RBFOX1: variants seen among roughly 807,000 people sequenced by gnomAD.
The protein encoded by RBFOX1 is RNA binding fox-1 homolog 1, also known as RNA binding protein fox-1 homolog 1.
A neutral mutation model predicts 57.7 loss-of-function variants in RBFOX1; 8 were observed. The observed-to-expected ratio is 0.14, with a 90% CI of 0.08 to 0.25. The LOEUF is 0.25. Ranked by LOEUF, RBFOX1 falls within the 10% of genes least tolerant of loss-of-function variation. The pLI is 1.00. For missense variants in RBFOX1, 611 were observed against 548.5 expected (o/e 1.11, Z -1.14); for synonymous variants, 326 against 222.4 (o/e 1.47, Z -4.15).
chr16:6,220,957 T>A (rs549871086), intron 1 of RBFOX1, among the ~76,000 whole-genome samples: 1 of 149,076 alleles, frequency 6.7e-6, no homozygotes, highest in East Asian at 1.9e-4. Flanking sequence ...TACTTCACTC[T>A]GTGTGTGTGT....
chr16:5,416,451 G>T (rs915536978), intron 1 of RBFOX1, among the ~76,000 whole-genome samples: 3 of 151,982 alleles, frequency 2.0e-5, no homozygotes, highest in Non-Finnish European at 2.9e-5. Flanking sequence ...ACTTTTTCCC[G>T]TGTCGGTTGG....
chr16:6,112,160 C>A (rs1042993614), intron 1 of RBFOX1, among the ~76,000 whole-genome samples: 6 of 152,138 alleles, frequency 3.9e-5, no homozygotes, highest in African/African-American at 1.4e-4. Flanking sequence ...CCATTAAGTT[C>A]TTCATTGTTA....
chr16:6,859,147 ATATATG>A (rs2058498942), intron 3 of RBFOX1, among the ~76,000 whole-genome samples: 1 of 92,976 alleles, frequency 1.1e-5, no homozygotes, highest in South Asian at 3.8e-4. Context: ...ATACGTATAT[ATATATG>A]TATATATATA....
intron 4 of RBFOX1, among the ~76,000 whole-genome samples, chr16:7,187,147 C>T (rs1048618096): frequency 8.6e-5 from 13 of 151,188 alleles, no homozygotes; most frequent in South Asian, 2.1e-4. Flanking sequence ...CCAGCTTGGG[C>T]GATGGAGTGA....
At chr16:6,044,377 A>G (rs1296008170) in intron 1 of RBFOX1, among the ~76,000 whole-genome samples, 1 of 151,990 alleles carries the variant, frequency 6.6e-6, no homozygotes, top group Admixed American at 6.6e-5. Context: ...TCTCTCTTTG[A>G]GTTCCTCCTG....
At chr16:6,713,504 C>T (rs922239260) in intron 3 of RBFOX1, among the ~76,000 whole-genome samples, 5 of 152,036 alleles carry the variant, frequency 3.3e-5, no homozygotes, top group African/African-American at 1.2e-4. Flanking sequence ...TGAGGAGCAT[C>T]CCTGGCCTCT....
intron 1 of RBFOX1, among the ~76,000 whole-genome samples, chr16:6,162,744 G>A (rs551582723): frequency 1.3e-5 from 2 of 152,080 alleles, no homozygotes; most frequent in East Asian, 2.0e-4. Context: ...TTGTGTGTGC[G>A]TGTGTTTGAG....
At chr16:7,205,336 G>C (rs1241922164) in intron 4 of RBFOX1, among the ~76,000 whole-genome samples, 2 of 151,916 alleles carry the variant, frequency 1.3e-5, no homozygotes, top group Non-Finnish European at 1.5e-5. Context: ...TGGCCAACAT[G>C]GTGAAACCTC....
rs183478710 is a variant in RBFOX1 at position 6,485,572 on chromosome 16, C to G, written c.-64+168515C>G. Among the ~76,000 whole-genome samples, 55 of 152,246 alleles carry G rather than the reference C, an allele frequency of 3.6e-4. 1 individual carries two copies. Among genetic ancestry groups the G allele is most frequent in the Admixed American group, 2.2e-3 (33 of 15,298 alleles). ...TTTCTTTCAGGAATTCTCCGCTCAC[C>G]TGCAAGAATTATTTAGTATCAGGCA... On this transcript the variant is annotated intron_variant, in intron 2 of 15. Coordinates refer to ENST00000550418, the MANE Select transcript of RBFOX1 (RefSeq NM_018723.4).
intron 4 of RBFOX1, among the ~76,000 whole-genome samples, chr16:7,138,611 C>A (rs2072721805): frequency 6.6e-6 from 1 of 152,172 alleles, no homozygotes; most frequent in Non-Finnish European, 1.5e-5. Flanking sequence ...TGTAACCCCC[C>A]ATTATGCAAA....
At chr16:7,265,124 C>A (rs2095076541) in intron 4 of RBFOX1, among the ~76,000 whole-genome samples, 1 of 152,250 alleles carries the variant, frequency 6.6e-6, no homozygotes, top group Admixed American at 6.5e-5. Flanking sequence ...AAAGACTAGA[C>A]TCTGTTCTGC....
intron 4 of RBFOX1, among the ~76,000 whole-genome samples, chr16:7,265,606 G>T (rs1266025085): frequency 6.6e-6 from 1 of 151,518 alleles, no homozygotes; most frequent in Non-Finnish European, 1.5e-5. Context: ...CCACCACCAC[G>T]CCTGGCTAAT....
chr16:6,181,968 C>T (rs780640828), intron 1 of RBFOX1, among the ~76,000 whole-genome samples: 4 of 152,092 alleles, frequency 2.6e-5, no homozygotes, highest in Admixed American at 6.6e-5. Context: ...AGGATGTTTC[C>T]AGAAAGCATT....
intron 3 of RBFOX1, among the ~76,000 whole-genome samples, chr16:6,833,203 T>C (rs1265309237): frequency 6.6e-6 from 1 of 152,016 alleles, no homozygotes. Context: ...TCTTTTTCTG[T>C]CACCCAGGGT....
chr16:6,981,612 G>T (rs2088896527), intron 3 of RBFOX1, among the ~76,000 whole-genome samples: 1 of 152,160 alleles, frequency 6.6e-6, no homozygotes, highest in Non-Finnish European at 1.5e-5. Context: ...ATGATGGGAG[G>T]CAAAGGAGGA....
chr16:6,003,511 A>C (rs2060638201), intron 4 of RBFOX1, among the ~76,000 whole-genome samples: 1 of 138,624 alleles, frequency 7.2e-6, no homozygotes, highest in African/African-American at 2.7e-5. Flanking sequence ...ACCTAGGCAC[A>C]AGGATGACTT....
chr16:7,086,678 T>A (rs1417749517), intron 4 of RBFOX1, among the ~76,000 whole-genome samples: 2 of 142,942 alleles, frequency 1.4e-5, no homozygotes, highest in African/African-American at 5.2e-5. Context: ...TGCTGCAAAA[T>A]TTCCTAGGTC....
At chr16:6,812,914 G>C (rs1184919624) in intron 3 of RBFOX1, among the ~76,000 whole-genome samples, 2 of 152,138 alleles carry the variant, frequency 1.3e-5, no homozygotes, top group Non-Finnish European at 2.9e-5. Flanking sequence ...TGTTTCTAGA[G>C]GTCATTGCTG....
chr16:5,614,273 A>G (rs1438126037), intron 3 of RBFOX1, among the ~76,000 whole-genome samples: 2 of 152,186 alleles, frequency 1.3e-5, no homozygotes, highest in Non-Finnish European at 2.9e-5. Context: ...CACATGGACT[A>G]AACAGAAACT....
Sources: gnomAD v4.1 joint callset for allele counts (sites outside exome capture counted in the v4.1 genomes callset) on GRCh38, gnomAD v4.1.1 for gene constraint, MANE v1.5 for transcripts, NCBI Gene and HGNC (gene_info 2026-07-23, HGNC 2026-07-21) for gene names.